GAS2L3: variants seen among roughly 807,000 people sequenced by gnomAD.
GAS2L3 encodes the protein GAS2-like protein 3.
GAS2L3 carries 28 observed loss-of-function variants against 37.0 expected under a neutral mutation model. The ratio of observed to expected loss-of-function variants is 0.76; its 90% CI spans 0.56 to 1.04. The LOEUF is 1.04. Ranked by LOEUF, GAS2L3 falls within the 50% of genes least tolerant of loss-of-function variation. GAS2L3 has a pLI of 0.00. For synonymous variants in GAS2L3, 290 were observed against 296.6 expected (o/e 0.98, Z 0.23); for missense variants, 793 against 817.6 (o/e 0.97, Z 0.37).
At chr12:100,581,826 C>G (rs578160123) in intron 1 of GAS2L3, among the ~76,000 whole-genome samples, 1 of 152,122 alleles carries the variant, frequency 6.6e-6, no homozygotes, top group East Asian at 1.9e-4. Context: ...CCGTTTTTTC[C>G]TTATTTTTTG....
At chr12:100,611,952 G>GA in intron 5 of GAS2L3, 48 bp from the exon 6 acceptor site, 1 of 1,294,806 alleles carries the variant, frequency 7.7e-7, no homozygotes, top group South Asian at 1.2e-5. Context: ...AATGTTTAAT[G>GA]AAAGTATCCT....
At chr12:100,597,308 A>T (rs970482281) in intron 3 of GAS2L3, among the ~76,000 whole-genome samples, 1 of 152,088 alleles carries the variant, frequency 6.6e-6, no homozygotes. Flanking sequence ...TGGTACAAAG[A>T]GTCATTTGCT....
intron 1 of GAS2L3, among the ~76,000 whole-genome samples, chr12:100,586,940 A>G (rs1171760742): frequency 2.6e-5 from 4 of 152,328 alleles, no homozygotes; most frequent in Middle Eastern, 3.4e-3. Flanking sequence ...CAAGGCTACT[A>G]TGAACACCTC....
chr12:100,605,752 G>A (rs1956048133), intron 5 of GAS2L3, among the ~76,000 whole-genome samples: 2 of 151,554 alleles, frequency 1.3e-5, no homozygotes, highest in Admixed American at 6.6e-5. Flanking sequence ...TGACCCACTG[G>A]TCGGTCATTC....
intron 6 of GAS2L3, among the ~76,000 whole-genome samples, chr12:100,617,196 C>T (rs917706447): frequency 6.6e-6 from 1 of 151,990 alleles, no homozygotes; most frequent in Non-Finnish European, 1.5e-5. Context: ...TATATGCTGC[C>T]AGATTTGGTT....
chr12:100,609,435 C>T (rs184329127), intron 5 of GAS2L3, among the ~76,000 whole-genome samples: 2 of 152,268 alleles, frequency 1.3e-5, no homozygotes, highest in East Asian at 3.9e-4. Context: ...TAAAGTCCTC[C>T]AGTTGCTGCG....
At chr12:100,611,869 C>T in intron 5 of GAS2L3, 131 bp from the exon 6 acceptor site, 1 of 662,532 alleles carries the variant, frequency 1.5e-6, no homozygotes, top group Non-Finnish European at 2.6e-6. Flanking sequence ...TCAAAACTAT[C>T]TTTTTTCTCT....
intron 6 of GAS2L3, among the ~76,000 whole-genome samples, chr12:100,613,342 G>A (rs930432375): frequency 6.6e-6 from 1 of 152,108 alleles, no homozygotes; most frequent in African/African-American, 2.4e-5. Context: ...CTCTCCAGAG[G>A]TCTCAAAGAT....
At chr12:100,600,299 C>T (rs1233013202) in intron 3 of GAS2L3, 83 bp from the exon 4 acceptor site, 1 of 853,682 alleles carries the variant, frequency 1.2e-6, no homozygotes, top group Non-Finnish European at 1.8e-6. Flanking sequence ...ATTTATGCTT[C>T]ATCATTTAAA....
At chr12:100,604,843 T>C (rs1046145662) in intron 5 of GAS2L3, among the ~76,000 whole-genome samples, 1 of 152,040 alleles carries the variant, frequency 6.6e-6, no homozygotes, top group African/African-American at 2.4e-5. Flanking sequence ...TCAACATTAG[T>C]TGAAATGATA....
chr12:100,617,264 GT>G (rs1399548376), intron 6 of GAS2L3, among the ~76,000 whole-genome samples: 1 of 152,034 alleles, frequency 6.6e-6, no homozygotes, highest in Non-Finnish European at 1.5e-5. Context: ...TTGGGTTTTA[GT>G]TTTCTTATGA....
chr12:100,620,933 G>T (rs1259039496), intron 8 of GAS2L3, among the ~76,000 whole-genome samples: 6 of 152,040 alleles, frequency 3.9e-5, no homozygotes. Context: ...ATGCAGATGT[G>T]CACGTGTGCA....
intron 1 of GAS2L3, among the ~76,000 whole-genome samples, chr12:100,585,882 A>G (rs1955775205): frequency 6.6e-6 from 1 of 152,070 alleles, no homozygotes; most frequent in South Asian, 2.1e-4. Context: ...TTTCTTATAC[A>G]GTGTTTCTTT....
chr12:100,596,561 C>T (rs538089387), intron 3 of GAS2L3, among the ~76,000 whole-genome samples: 25 of 152,130 alleles, frequency 1.6e-4, no homozygotes, highest in South Asian at 4.1e-4. Flanking sequence ...GGATTTCCAC[C>T]TCTTTCTCTG....
rs2136470730 is a variant in GAS2L3 at position 100,601,635 on chromosome 12, T to G, written c.188-3T>G. ...GATTCTTAACTTTGAAATATGTTTTTAGGTATTAAAGTTAAGGCAGAAAAA... is the reference window on the plus strand; with the variant it reads ...GATTCTTAACTTTGAAATATGTTTTGAGGTATTAAAGTTAAGGCAGAAAAA... On this transcript the variant is annotated splice_polypyrimidine_tract_variant and splice_region_variant and intron_variant, in intron 4 of 9. Coordinates refer to ENST00000547754, the MANE Select transcript of GAS2L3 (RefSeq NM_174942.3). The G allele has an allele frequency of 8.3e-7, 1 of 1,201,784 alleles. No homozygotes were observed. Among genetic ancestry groups the G allele is most frequent in the East Asian group, 2.3e-5 (1 of 42,768 alleles). The allele number at this position is 1,201,784 out of a possible 1,614,324, so 74.4% of individuals were successfully genotyped here.
rs1316483110 is a variant in GAS2L3, at chr12:100,624,261, G to A, written c.1456G>A (p.Val486Ile). The A allele has an allele frequency of 6.2e-7, 1 of 1,613,842 alleles. No homozygotes were observed. The change falls in exon 10 of 10, where the codon GTA becomes ATA. Residue 486 changes from valine to isoleucine, a missense_variant. Coordinates refer to ENST00000547754, the MANE Select transcript of GAS2L3 (RefSeq NM_174942.3). ...TCATATTTCTTCCAGAGATAATGCA[G>A]TATCTCACTTAGCTGCACATTCAAA... Reference protein sequence around the residue: ...HNHISSRDNAVSHLAAHSNSS... With the variant: ...HNHISSRDNAISHLAAHSNSS...
Position 100,624,628 on chromosome 12 carries a change from C to T in GAS2L3, c.1823C>T (p.Pro608Leu). ...QKTGPSSLKS[P>L]GRTPLSIVSL... ...ACAGGACCCAGCTCCTTGAAGTCTCCTGGCCGTACCCCACTGTCCATCGTG... is the reference window on the plus strand; with the variant it reads ...ACAGGACCCAGCTCCTTGAAGTCTCTTGGCCGTACCCCACTGTCCATCGTG... The change falls in exon 10 of 10, where the codon CCT becomes CTT. Residue 608 changes from proline (P) to leucine (L), a missense_variant. Transcript: ENST00000547754. 2 of 1,614,098 alleles carry T rather than the reference C, an allele frequency of 1.2e-6. No homozygotes were observed. Among genetic ancestry groups the T allele is most frequent in the South Asian group, 1.1e-5 (1 of 91,080 alleles).
intron 1 of GAS2L3, among the ~76,000 whole-genome samples, chr12:100,581,585 T>C (rs1036951982): frequency 1.7e-4 from 26 of 152,226 alleles, no homozygotes; most frequent in African/African-American, 6.0e-4. Context: ...AAAAGAAATA[T>C]ATTTGGGTTT....
intron 6 of GAS2L3, chr12:100,612,411 C>G (rs1329399310): frequency 3.4e-6 from 1 of 293,344 alleles, no homozygotes; most frequent in Non-Finnish European, 6.2e-6. Context: ...TGGACTAATG[C>G]TTTAGTAATT....
Sources: allele counts gnomAD v4.1 joint callset (sites outside exome capture counted in the v4.1 genomes callset), GRCh38; gene constraint gnomAD v4.1.1; transcripts MANE v1.5; gene names NCBI Gene and HGNC (gene_info 2026-07-23, HGNC 2026-07-21).